Variants in EMCN observed in about 807,000 individuals in gnomAD.
EMCN encodes the protein endomucin, also known as MUC-14.
EMCN carries 37 observed loss-of-function variants against 38.4 expected under a neutral mutation model. The observed-to-expected ratio is 0.96, with a 90% CI of 0.74 to 1.27. EMCN has a LOEUF of 1.27. EMCN is among the 50% of genes most tolerant of loss of function. The probability of loss-of-function intolerance (pLI) is 0.00; values close to 1 mark genes in which losing one functional copy is unlikely to be tolerated. For synonymous variants in EMCN, 95 were observed against 100.8 expected, an observed-to-expected ratio of 0.94 and a Z score of 0.35; for missense variants, 318 against 302.8, an observed-to-expected ratio of 1.05 and a Z score of -0.37.
chr4:100,474,480 AGC>A (rs1183322274), intron 3 of EMCN, among the ~76,000 whole-genome samples: 18 of 152,230 alleles, frequency 1.2e-4, no homozygotes, highest in African/African-American at 4.3e-4. Context: ...CCTGTGACTT[AGC>A]AATTCGGCCT....
intron 5 of EMCN, among the ~76,000 whole-genome samples, chr4:100,427,473 A>G (rs1727082981): frequency 6.9e-6 from 1 of 144,202 alleles, no homozygotes; most frequent in Admixed American, 6.9e-5. Flanking sequence ...TTTTTTGTAG[A>G]GATAGACCTT....
intron 11 of EMCN, among the ~76,000 whole-genome samples, chr4:100,406,599 T>C (rs1217653379): frequency 6.6e-6 from 1 of 152,174 alleles, no homozygotes; most frequent in African/African-American, 2.4e-5. Context: ...TCGGAGAATG[T>C]GGCTGGTATG....
chr4:100,501,786 C>G (rs1398646989), intron 1 of EMCN, among the ~76,000 whole-genome samples: 1 of 151,260 alleles, frequency 6.6e-6, no homozygotes, highest in Non-Finnish European at 1.5e-5. Context: ...TTTGTTGCAT[C>G]AATAGAAATA....
chr4:100,494,276 C>A (rs1729157000), intron 1 of EMCN, among the ~76,000 whole-genome samples: 1 of 152,114 alleles, frequency 6.6e-6, no homozygotes, highest in African/African-American at 2.4e-5. Flanking sequence ...TTAAAGTGAA[C>A]ACATTTAGAA....
At chr4:100,412,740 T>C (rs1459212053) in intron 10 of EMCN, among the ~76,000 whole-genome samples, 1 of 152,198 alleles carries the variant, frequency 6.6e-6, no homozygotes, top group Admixed American at 6.5e-5. Context: ...CTAGTAAGCT[T>C]TCTCTTTTAC....
intron 5 of EMCN, among the ~76,000 whole-genome samples, chr4:100,436,859 A>C (rs1183144836): frequency 6.6e-6 from 1 of 152,098 alleles, no homozygotes; most frequent in Admixed American, 6.6e-5. Context: ...ACTGGGGCCT[A>C]TCAGTGGTGA....
chr4:100,497,128 G>A (rs1046382279), intron 1 of EMCN, among the ~76,000 whole-genome samples: 4 of 151,166 alleles, frequency 2.6e-5, no homozygotes, highest in Non-Finnish European at 5.9e-5. Flanking sequence ...ATTAAAAACC[G>A]CTTTATGTCT....
chr4:100,450,854 G>C (rs981534154), intron 4 of EMCN, among the ~76,000 whole-genome samples: 2 of 151,890 alleles, frequency 1.3e-5, no homozygotes, highest in Non-Finnish European at 2.9e-5. Context: ...GTTTTCTAAA[G>C]TGTTGGATAG....
chr4:100,501,638 T>C (rs12501083), intron 1 of EMCN, among the ~76,000 whole-genome samples: 2,475 of 152,248 alleles, frequency 0.016, 144 homozygotes, highest in Admixed American at 0.11. Context: ...GTTTTCTTTA[T>C]TTCAAGTTTT....
intron 5 of EMCN, among the ~76,000 whole-genome samples, chr4:100,435,789 A>G (rs980967006): frequency 1.3e-5 from 2 of 152,184 alleles, no homozygotes; most frequent in Non-Finnish European, 2.9e-5. Context: ...AGGATTTTCT[A>G]TTTAGTAAAT....
intron 4 of EMCN, among the ~76,000 whole-genome samples, chr4:100,457,514 T>A (rs1214430303): frequency 6.6e-6 from 1 of 152,168 alleles, no homozygotes; most frequent in Non-Finnish European, 1.5e-5. Flanking sequence ...CCTGAAAAGA[T>A]GTTAAATTTT....
intron 5 of EMCN, among the ~76,000 whole-genome samples, chr4:100,437,983 GC>G (rs2110233781): frequency 6.6e-6 from 1 of 151,900 alleles, no homozygotes; most frequent in East Asian, 1.9e-4. Flanking sequence ...ATAGAATATT[GC>G]TTTTTGACAT....
chr4:100,487,038 A>C (rs1424879929), intron 1 of EMCN: 1 of 984,412 alleles, frequency 1.0e-6, no homozygotes, highest in East Asian at 1.1e-4. Context: ...CCTGAGGTAA[A>C]AAAGGCAAAG....
chr4:100,436,317 T>C (rs1219346028), intron 5 of EMCN, among the ~76,000 whole-genome samples: 2 of 152,056 alleles, frequency 1.3e-5, no homozygotes, highest in Non-Finnish European at 2.9e-5. Flanking sequence ...TGAGATACCA[T>C]CTCATGCCAG....
At chr4:100,501,820 TAC>T (rs1470946865) in intron 1 of EMCN, among the ~76,000 whole-genome samples, 1 of 151,866 alleles carries the variant, frequency 6.6e-6, no homozygotes, top group African/African-American at 2.4e-5. Flanking sequence ...AAACTTTATA[TAC>T]AGAGACCCTG....
intron 1 of EMCN, among the ~76,000 whole-genome samples, chr4:100,503,328 C>T (rs891663212): frequency 1.3e-5 from 2 of 151,970 alleles, no homozygotes; most frequent in Non-Finnish European, 2.9e-5. Flanking sequence ...AAATTTTTGG[C>T]ATAAGGCTTT....
At chr4:100,494,761 C>T (rs3775363) in intron 1 of EMCN, among the ~76,000 whole-genome samples, 24,268 of 149,850 alleles carry the variant, frequency 0.16, 3,072 homozygotes, top group East Asian at 0.7. Context: ...TTTTCTGCTG[C>T]GGAAAATAAA....
At chr4:100,512,087 G>A (rs1156258132) in intron 1 of EMCN, among the ~76,000 whole-genome samples, 1 of 152,186 alleles carries the variant, frequency 6.6e-6, no homozygotes. Context: ...GCGGCTGTCA[G>A]GTTACACCCG....
rs1185130714 is a variant in EMCN at position 100,473,379 on chromosome 4, T to TTG, written c.259+1658_259+1659insCA. The stretch of plus-strand genomic sequence containing the variant: ...TCCCGTTTCGTGTTTTTTTGTTTTT[T>TTG]TTTTTTGTTTTTTTTTTTGCTAATG... On this transcript the variant is annotated intron_variant, in intron 3 of 11. Transcript: ENST00000296420. Among the ~76,000 whole-genome samples the TTG allele has an allele frequency of 1.1e-3, 141 of 123,320 alleles. 1 individual carries two copies. Among genetic ancestry groups the TTG allele is most frequent in the Admixed American group, 2.7e-3 (33 of 12,138 alleles). The allele number at this position is 123,320 out of a possible 152,430, so 80.9% of individuals were successfully genotyped here.
Sources: allele counts gnomAD v4.1 joint callset (sites outside exome capture counted in the v4.1 genomes callset), GRCh38; gene constraint gnomAD v4.1.1; transcripts MANE v1.5; gene names NCBI Gene and HGNC (gene_info 2026-07-23, HGNC 2026-07-21).